Variants in TMEM51 observed in about 807,000 individuals in gnomAD.
The protein encoded by TMEM51 is transmembrane protein 51, also known as chromosome 1 open reading frame 72.
TMEM51 carries 8 observed loss-of-function variants against 13.6 expected under a neutral mutation model. The observed-to-expected ratio is 0.59, with a 90% CI of 0.35 to 1.07. The LOEUF is 1.07. Among genes scored for constraint, TMEM51 ranks in the 50% least tolerant of loss-of-function variants. The probability of loss-of-function intolerance (pLI) is 0.02; values close to 1 mark genes in which losing one functional copy is unlikely to be tolerated. For synonymous variants in TMEM51, 147 were observed against 144.4 expected (o/e 1.02, Z -0.13); for missense variants, 279 against 330.7 (o/e 0.84, Z 1.21).
intron 1 of TMEM51, among the ~76,000 whole-genome samples, chr1:15,209,377 G>A (rs915980276): frequency 6.6e-6 from 1 of 152,082 alleles, no homozygotes; most frequent in Admixed American, 6.6e-5. Context: ...CATTACAGGT[G>A]TGAGCTACTG....
intron 1 of TMEM51, among the ~76,000 whole-genome samples, chr1:15,179,822 C>T (rs1189355586): frequency 1.3e-5 from 2 of 152,070 alleles, no homozygotes; most frequent in Non-Finnish European, 2.9e-5. Flanking sequence ...CTAATATAAG[C>T]AAAACTAACC....
At chr1:15,216,054 A>G (rs1406615056) in intron 3 of TMEM51, among the ~76,000 whole-genome samples, 2 of 152,060 alleles carry the variant, frequency 1.3e-5, no homozygotes, top group Admixed American at 1.3e-4. Flanking sequence ...ACAAAAACAA[A>G]AAACTGTCTT....
chr1:15,195,623 G>A (rs1461766611), intron 1 of TMEM51, among the ~76,000 whole-genome samples: 3 of 152,038 alleles, frequency 2.0e-5, no homozygotes, highest in East Asian at 3.9e-4. Context: ...TTGACTCATC[G>A]ATTCTTCCTT....
At chr1:15,182,778 G>T (rs111364308) in intron 1 of TMEM51, among the ~76,000 whole-genome samples, 2 of 152,060 alleles carry the variant, frequency 1.3e-5, no homozygotes, top group East Asian at 1.9e-4. Context: ...TCTTCTTTTG[G>T]GGGGCACAGA....
chr1:15,168,502 C>A (rs1396574719), intron 1 of TMEM51: 8 of 1,304,110 alleles, frequency 6.1e-6, no homozygotes, highest in African/African-American at 4.6e-5. Context: ...GTATTATTGC[C>A]CCTTGGTTTT....
chr1:15,214,221 G>A (rs890575948), intron 2 of TMEM51, among the ~76,000 whole-genome samples: 1 of 152,058 alleles, frequency 6.6e-6, no homozygotes, highest in Admixed American at 6.6e-5. Flanking sequence ...GACTCACCAC[G>A]GTGGTTGCTG....
intron 1 of TMEM51, among the ~76,000 whole-genome samples, chr1:15,162,625 A>G (rs527913738): frequency 1.3e-5 from 2 of 152,230 alleles, no homozygotes; most frequent in South Asian, 4.1e-4. Context: ...AGTATCCATC[A>G]AAGGATGAAT....
At position 15,174,956 on chromosome 1, in the gene TMEM51, T is replaced by A. The variant is rs190423967; in HGVS notation, c.-267+21002T>A. The stretch of plus-strand genomic sequence containing the variant: ...TAATATGTTGGGAGTTAGAGCTTCA[T>A]ATGAATTTTGGATGGACACAAATAT... On this transcript the variant is annotated intron_variant, in intron 1 of 3. Transcript: ENST00000376008. Among the ~76,000 whole-genome samples the A allele has an allele frequency of 2.6e-5, 4 of 152,334 alleles. No individual in the cohort carries two copies. The East Asian group carries it at 7.7e-4, about 29-fold the overall frequency.
intron 1 of TMEM51, among the ~76,000 whole-genome samples, chr1:15,208,724 G>C (rs1228353701): frequency 6.6e-6 from 1 of 152,086 alleles, no homozygotes; most frequent in Non-Finnish European, 1.5e-5. Context: ...AGGCCCTGTG[G>C]TAGGAAGTAG....
At chr1:15,159,391 A>G (rs1007174131) in intron 1 of TMEM51, among the ~76,000 whole-genome samples, 3 of 152,146 alleles carry the variant, frequency 2.0e-5, no homozygotes, top group African/African-American at 4.8e-5. Context: ...TGTGACCCCC[A>G]TAGGCCTCAC....
In TMEM51 at chr1:15,215,362, G is replaced by A. The variant is rs3766158; in HGVS notation, c.275G>A (p.Arg92Gln). ...CLSIRDKRKQ[R>Q]QGEDLAHVQH... ...AGTATCAGGGATAAGAGGAAGCAGC[G>A]GCAGGGCGAGGACCTGGCCCATGTC... The change falls in exon 3 of 4, where the codon CGG (arginine) becomes CAG (glutamine). Residue 92 changes from arginine (R) to glutamine (Q), a missense_variant. Physicochemically the swap from Arg to Gln is conservative, Grantham distance 43. Transcript: ENST00000376008. 5.5e-4 allele frequency: 892 copies of A among 1,612,628 alleles called. 15 individuals are homozygous for A. The East Asian group carries it at 0.017, about 31-fold the overall frequency.
chr1:15,192,361 CT>C, intron 1 of TMEM51: 1 of 395,016 alleles, frequency 2.5e-6, no homozygotes, highest in Non-Finnish European at 5.0e-6. Flanking sequence ...TCTCCAGAAC[CT>C]GCACACTAGT....
intron 1 of TMEM51, among the ~76,000 whole-genome samples, chr1:15,179,715 GA>G: frequency 6.6e-6 from 1 of 152,332 alleles, no homozygotes; most frequent in Non-Finnish European, 1.5e-5. Flanking sequence ...CCCAGGAGTT[GA>G]AGCTGCAGTG....
chr1:15,176,206 G>C (rs1643451701), intron 1 of TMEM51, among the ~76,000 whole-genome samples: 1 of 152,204 alleles, frequency 6.6e-6, no homozygotes, highest in South Asian at 2.1e-4. Flanking sequence ...GAAGTCAACA[G>C]AGATTTGTTG....
rs1253615656 is a variant in TMEM51 at position 15,161,681 on chromosome 1, G to A, written c.-267+7727G>A. 6.6e-6 allele frequency among the ~76,000 whole-genome samples: 1 copy of A among 151,934 alleles called. No homozygotes were observed. Among genetic ancestry groups the A allele is most frequent in the Admixed American group, 6.6e-5 (1 of 15,258 alleles). On this transcript the variant is annotated intron_variant, in intron 1 of 3. Coordinates refer to ENST00000376008, the MANE Select transcript of TMEM51 (RefSeq NM_001136218.2). The surrounding 1 kb of genome is among the most constrained non-coding windows in gnomAD (Gnocchi z 4.0). ...TGGCCGGGCGCAGTGGCTCACGCCG[G>A]TAATCCCAGCACTTTGGGAAACCGA...
At chr1:15,194,650 T>C (rs1018161284) in intron 1 of TMEM51, among the ~76,000 whole-genome samples, 4 of 152,192 alleles carry the variant, frequency 2.6e-5, no homozygotes, top group Admixed American at 6.5e-5. Flanking sequence ...TTCGTTGTTA[T>C]TCTTTTATTC....
chr1:15,182,160 TCAAATAAATAAATAAA>T (rs1168939039), intron 1 of TMEM51, among the ~76,000 whole-genome samples: 1 of 125,920 alleles, frequency 7.9e-6, no homozygotes, highest in African/African-American at 2.9e-5. Flanking sequence ...AAACTCCATC[TCAAATAAATAAATAAA>T]TAAATAAATA....
chr1:15,206,295 T>C (rs1477976006), intron 1 of TMEM51, among the ~76,000 whole-genome samples: 1 of 150,232 alleles, frequency 6.7e-6, no homozygotes, highest in African/African-American at 2.5e-5. Flanking sequence ...AAGGGAACAT[T>C]TACCTGTCAC....
chr1:15,201,697 G>A (rs1167814761), intron 1 of TMEM51, among the ~76,000 whole-genome samples: 1 of 152,204 alleles, frequency 6.6e-6, no homozygotes. Flanking sequence ...AACGGGGAAT[G>A]GCGAGGGGAG....
Sources: allele counts gnomAD v4.1 joint callset (sites outside exome capture counted in the v4.1 genomes callset), GRCh38; gene constraint gnomAD v4.1.1; non-coding constraint Gnocchi (gnomAD v3.1); transcripts MANE v1.5; gene names NCBI Gene and HGNC (gene_info 2026-07-23, HGNC 2026-07-21).